LAMC2: variants seen among roughly 807,000 people sequenced by gnomAD.
LAMC2 encodes laminin subunit gamma-2.
LAMC2 carries 97 observed loss-of-function variants against 140.2 expected under a neutral mutation model. The observed-to-expected ratio is 0.69, with a 90% CI of 0.59 to 0.82. LAMC2 has a LOEUF of 0.82. Among genes scored for constraint, LAMC2 ranks in the 40% least tolerant of loss-of-function variants. The pLI is 0.00. For synonymous variants in LAMC2, 513 were observed against 540.2 expected (o/e 0.95, Z 0.70); for missense variants, 1,402 against 1,476.1 (o/e 0.95, Z 0.82).
Position 183,240,312 on chromosome 1 carries a change from G to T in LAMC2, c.3249G>T (p.Lys1083Asn), listed in dbSNP as rs771428743. ...AVQMVITEAQKVDTRAKNAGV... is the reference protein window; with the variant it reads ...AVQMVITEAQNVDTRAKNAGV... ...CTCAGGTGATTACAGAAGCCCAGAA[G>T]GTTGATACCAGAGCCAAGAACGCTG... Residue 1083 changes from lysine to asparagine, a missense_variant, in exon 22 of 23, where the codon AAG becomes AAT. Transcript: ENST00000264144. The T allele has an allele frequency of 3.1e-6, 5 of 1,614,218 alleles. No individual in the cohort carries two copies. The highest frequency in any genetic ancestry group is 3.4e-6 in the Non-Finnish European group (4 of 1,180,038).
intron 10 of LAMC2, 52 bp downstream of exon 10, chr1:183,227,749 G>A: frequency 6.5e-7 from 1 of 1,535,138 alleles, no homozygotes; most frequent in Non-Finnish European, 9.0e-7. Context: ...CTGATGCCAT[G>A]AATGTGTGCA....
At chr1:183,231,172 C>A (rs1488609286) in intron 12 of LAMC2, 69 bp downstream of exon 12, 3 of 1,576,120 alleles carry the variant, frequency 1.9e-6, no homozygotes, top group Non-Finnish European at 2.6e-6. Context: ...CTGGGTGGTT[C>A]TGTCACAGAT....
At chr1:183,227,373 G>A (rs1379220918) in intron 9 of LAMC2, 142 bp from the exon 10 acceptor site, 2 of 822,540 alleles carry the variant, frequency 2.4e-6, no homozygotes, top group Non-Finnish European at 4.2e-6. Flanking sequence ...TCTATGGGAG[G>A]GGTGAATGCC....
At chr1:183,208,273 T>C (rs1658961837) in intron 2 of LAMC2, among the ~76,000 whole-genome samples, 1 of 152,178 alleles carries the variant, frequency 6.6e-6, no homozygotes, top group Admixed American at 6.5e-5. Context: ...GCAGTTTCAA[T>C]CTGAAAGGAA....
At chr1:183,240,969 C>T (rs139738646) in intron 22 of LAMC2, 11 of 157,572 alleles carry the variant, frequency 7.0e-5, no homozygotes, top group Non-Finnish European at 1.3e-4. Context: ...ACTTGCCGGC[C>T]GGGTGTGGTG....
intron 14 of LAMC2, 29 bp from the exon 15 acceptor site, chr1:183,234,338 C>A (rs543439249): frequency 1.3e-6 from 2 of 1,576,074 alleles, no homozygotes; most frequent in East Asian, 2.2e-5. Flanking sequence ...TTAACCGATT[C>A]GCCTTAACCG....
intron 8 of LAMC2, 28 bp downstream of exon 8, chr1:183,225,748 T>C: frequency 6.9e-7 from 1 of 1,458,498 alleles, no homozygotes; most frequent in Non-Finnish European, 9.6e-7. Flanking sequence ...ATTAATTTCT[T>C]TCTTCTTAGG....
rs556402147 is a variant in LAMC2, at chr1:183,203,587, A to T, written c.80-4294A>T. 8.0e-5 allele frequency among the ~76,000 whole-genome samples: 12 copies of T among 150,672 alleles called. No homozygotes were observed. The East Asian group carries it at 2.4e-3, about 30-fold the overall frequency. On this transcript the variant is annotated intron_variant, in intron 1 of 22. Transcript: ENST00000264144. ...AGACCATTTTTCAAACACATTAATGATGAAAAGCATCATTCCATGCAAAAG... is the reference window on the plus strand; with the variant it reads ...AGACCATTTTTCAAACACATTAATGTTGAAAAGCATCATTCCATGCAAAAG...
At chr1:183,199,422 C>CTCCTTCCT (rs144680316) in intron 1 of LAMC2, among the ~76,000 whole-genome samples, 3 of 151,274 alleles carry the variant, frequency 2.0e-5, no homozygotes, top group East Asian at 1.9e-4. Flanking sequence ...TCCTTCCTTT[C>CTCCTTCCT]TCCTTCCTTC....
Position 183,220,770 on chromosome 1 carries a change from T to C in LAMC2, c.504-55T>C, listed in dbSNP as rs1659442050. 4 of 1,552,294 alleles carry C rather than the reference T, an allele frequency of 2.6e-6. No homozygotes were observed. The Admixed American group carries it at 6.7e-5, about 26-fold the overall frequency. On this transcript the variant is annotated intron_variant, in intron 4 of 22. Coordinates refer to ENST00000264144, the MANE Select transcript of LAMC2 (RefSeq NM_005562.3). Reference sequence around the variant, plus strand: ...GAGGCTGACTCATTCATCATATTTTTTCTATAGAATAAAAAATAACCTATA... The same window carrying C: ...GAGGCTGACTCATTCATCATATTTTCTCTATAGAATAAAAAATAACCTATA...
intron 1 of LAMC2, among the ~76,000 whole-genome samples, chr1:183,205,172 A>G (rs1024334167): frequency 2.0e-5 from 3 of 152,168 alleles, no homozygotes; most frequent in Non-Finnish European, 4.4e-5. Flanking sequence ...TTATTTTGAG[A>G]TTGCTTCCAA....
At position 183,226,890 on chromosome 1, in the gene LAMC2, G is replaced by A. The variant is rs763994158; in HGVS notation, c.1259G>A (p.Gly420Glu). Reference sequence around the variant, plus strand: ...ACCTGTATTCCTTGTAACTGTCAAGGGGGAGGGGCCTGTGATCCAGACACA... The same window carrying A: ...ACCTGTATTCCTTGTAACTGTCAAGAGGGAGGGGCCTGTGATCCAGACACA... ...FGTCIPCNCQGGGACDPDTGD... is the reference protein window; with the variant it reads ...FGTCIPCNCQEGGACDPDTGD... The change falls in exon 9 of 23, where the codon GGG becomes GAG. Residue 420 changes from glycine (G) to glutamate (E), a missense_variant. Physicochemically the swap from Gly to Glu is moderately conservative, Grantham distance 98. Around this residue, in one of 3 missense-constraint regions of LAMC2, gnomAD observed 723 missense variants for 783.3 expected, o/e 0.92. Coordinates refer to ENST00000264144, the MANE Select transcript of LAMC2 (RefSeq NM_005562.3). The A allele has an allele frequency of 2.5e-6, 4 of 1,614,100 alleles. No homozygotes were observed. The East Asian group carries it at 8.9e-5, about 36-fold the overall frequency.
rs1168093538 is a variant in LAMC2 at position 183,228,274 on chromosome 1, C to T, written c.1469-100C>T. 5.3e-6 allele frequency: 8 copies of T among 1,513,214 alleles called. No individual in the cohort carries two copies. The highest frequency in any genetic ancestry group is 1.4e-5 in the African/African-American group (1 of 72,812). 93.7% of individuals were successfully genotyped at this position (1,513,214 alleles called of 1,614,324 possible). On this transcript the variant is annotated intron_variant, in intron 10 of 22. Transcript: ENST00000264144. This position sits in a 1 kb window ranked among gnomAD's most constrained non-coding sequence, Gnocchi z 4.3. ...CTGGGGTCCCTAGGGAAGCACATTT[C>T]TCTGGCTCTTCTAGAGGGTGACTCG...
chr1:183,222,061 A>G (rs767397337), intron 5 of LAMC2, 28 bp from the exon 6 acceptor site: 12 of 1,614,152 alleles, frequency 7.4e-6, no homozygotes, highest in Non-Finnish European at 1.0e-5. Context: ...GGCTTGTCCA[A>G]TGCAGACTGA....
At chr1:183,219,748 A>G (rs760014338) in intron 4 of LAMC2, among the ~76,000 whole-genome samples, 1 of 152,084 alleles carries the variant, frequency 6.6e-6, no homozygotes, top group East Asian at 1.9e-4. Flanking sequence ...TTTAGTTACA[A>G]CTGTTCTCTG....
intron 1 of LAMC2, among the ~76,000 whole-genome samples, chr1:183,193,515 T>G (rs75830191): frequency 3.4e-5 from 1 of 29,802 alleles, no homozygotes; most frequent in African/African-American, 2.4e-4. Context: ...TTATACATAC[T>G]TACTGCTGTT....
In LAMC2 at chr1:183,226,754, C is replaced by T; in HGVS notation, c.1123C>T (p.Pro375Ser). ...TTCAGCCCGCCCTGTCTCTGGAGCC[C>T]CAGCACCCTGGGTTGAACAGTGTAT... The part of the protein sequence containing the change: ...LISARPVSGA[P>S]APWVEQCICP... Residue 375 changes from proline (P) to serine (S), a missense_variant, in exon 9 of 23, where the codon CCA becomes TCA. Pro to Ser is a moderately conservative substitution (Grantham distance 74). Coordinates refer to ENST00000264144, the MANE Select transcript of LAMC2 (RefSeq NM_005562.3). 6.2e-7 allele frequency: 1 copy of T among 1,614,176 alleles called. No homozygotes were observed. The highest frequency in any genetic ancestry group is 8.5e-7 in the Non-Finnish European group (1 of 1,180,032).
Position 183,243,272 on chromosome 1 carries a change from C to T in LAMC2, c.3454C>T (p.Gln1152Ter), listed in dbSNP as rs1217053724. Residue 1152 changes from glutamine to a stop codon, truncating the protein, a stop_gained, in exon 23 of 23, where the codon CAG (glutamine) becomes TAG (stop). Transcript: ENST00000264144. LOFTEE classifies it high-confidence loss of function. ...AGAGCTGGAAGAGAGGGCACGTCAG[C>T]AGAGGGGCCACCTCCATTTGCTGGA... ...MSELEERARQ[Q>*]RGHLHLLETS... 2 of 1,614,078 alleles carry T rather than the reference C, an allele frequency of 1.2e-6. No individual in the cohort carries two copies. Among genetic ancestry groups the T allele is most frequent in the African/African-American group, 2.7e-5 (2 of 74,928 alleles).
chr1:183,195,287 C>A (rs1658479955), intron 1 of LAMC2, among the ~76,000 whole-genome samples: 1 of 152,018 alleles, frequency 6.6e-6, no homozygotes, highest in Admixed American at 6.5e-5. Context: ...CGGGTACATT[C>A]CCAAGTCTAG....
Sources: gnomAD v4.1 joint callset for allele counts (sites outside exome capture counted in the v4.1 genomes callset) on GRCh38, gnomAD v4.1.1 for gene constraint, gnomAD v4.1.1 regional missense constraint, Gnocchi (gnomAD v3.1) non-coding constraint, MANE v1.5 for transcripts, NCBI Gene and HGNC (gene_info 2026-07-23, HGNC 2026-07-21) for gene names.